Variants in HSPA12A observed in about 807,000 individuals in gnomAD.
HSPA12A encodes the protein heat shock protein family A (Hsp70) member 12A.
In HSPA12A, 28 loss-of-function variants were observed where a neutral mutation model predicts 69.2. That is an observed-to-expected ratio of 0.40 (90% CI 0.30 to 0.55). The LOEUF (loss-of-function observed/expected upper bound fraction) is 0.55. Among genes scored for constraint, HSPA12A ranks in the 20% least tolerant of loss-of-function variants. The pLI is 0.38. For synonymous variants in HSPA12A, 345 were observed against 370.5 expected (o/e 0.93, Z 0.79); for missense variants, 686 against 900.7 (o/e 0.76, Z 3.05).
At chr10:116,776,510 A>AT (rs1448574608) in intron 2 of HSPA12A, among the ~76,000 whole-genome samples, 1 of 152,250 alleles carries the variant, frequency 6.6e-6, no homozygotes, top group African/African-American at 2.4e-5. Context: ...AATTCAGAAA[A>AT]TTTTTTTTTT....
Position 116,676,495 on chromosome 10 carries a change from A to G in HSPA12A, c.1294T>C (p.Phe432Leu). Residue 432 changes from phenylalanine to leucine, a missense_variant, in exon 11 of 12, where the codon TTT (phenylalanine) becomes CTT (leucine). Phe to Leu is a conservative substitution (Grantham distance 22, BLOSUM62 0). Transcript: ENST00000369209. Reference protein sequence around the residue: ...EHALRKSNVDFVKWSSQGMLR... With the variant: ...EHALRKSNVDLVKWSSQGMLR... ...ATCCCCTGCGAGGACCACTTCACAA[A>G]ATCCACACTGCAGGAGCATAGCATG... is the stretch of plus-strand genomic sequence containing the variant. 1.2e-6 allele frequency: 2 copies of G among 1,613,326 alleles called. No individual in the cohort carries two copies. The highest frequency in any genetic ancestry group is 1.7e-6 in the Non-Finnish European group (2 of 1,179,580).
chr10:116,849,700 A>G (rs1231202351), exon 1 of HSPA12A: 2 of 1,540,098 alleles, frequency 1.3e-6, no homozygotes, highest in Non-Finnish European at 1.8e-6. Flanking sequence ...TCCACCTTCT[A>G]CCTCCAGCCT....
intron 2 of HSPA12A, among the ~76,000 whole-genome samples, chr10:116,833,954 T>C (rs1845665775): frequency 6.6e-6 from 1 of 152,230 alleles, no homozygotes. Context: ...GGCTGGGGAT[T>C]GCTAATGGCC....
Position 116,675,367 on chromosome 10 carries a change from A to C in HSPA12A, c.1442T>G (p.Val481Gly). Residue 481 changes from valine to glycine, a missense_variant, in exon 12 of 12, where the codon GTG becomes GGG. Val to Gly is a moderately radical substitution (Grantham distance 109, BLOSUM62 -3). Coordinates refer to ENST00000369209, the MANE Select transcript of HSPA12A (RefSeq NM_025015.3). This position sits in a 1 kb window ranked among gnomAD's most constrained non-coding sequence, Gnocchi z 5.2. ...EVSTVKFLFL[V>G]GGFAEAPLLQ... ...CAGGGGCGCCTCGGCAAAGCCGCCC[A>C]CCAGAAAGAGGAACTTGACGGTGGA... 1 of 1,610,704 alleles carries C rather than the reference A, an allele frequency of 6.2e-7. No homozygotes were observed. The highest frequency in any genetic ancestry group is 8.5e-7 in the Non-Finnish European group (1 of 1,178,956).
At chr10:116,819,207 C>T (rs1845364644) in intron 2 of HSPA12A, among the ~76,000 whole-genome samples, 1 of 152,172 alleles carries the variant, frequency 6.6e-6, no homozygotes, top group African/African-American at 2.4e-5. Context: ...TCCTTTCTGC[C>T]CCAAATGCCC....
At chr10:116,746,372 C>T (rs1218823911), upstream of HSPA12A, among the ~76,000 whole-genome samples, 2 of 152,176 alleles carry the variant, frequency 1.3e-5, no homozygotes, top group South Asian at 2.1e-4. Context: ...GTCCTCTGGC[C>T]CCCAGCTCAG....
intron 1 of HSPA12A, among the ~76,000 whole-genome samples, chr10:116,845,295 T>C (rs1218753316): frequency 6.6e-6 from 1 of 152,212 alleles, no homozygotes; most frequent in East Asian, 1.9e-4. Flanking sequence ...AATTTTGTTA[T>C]TGTTGTTAAA....
At chr10:116,807,981 C>T (rs1200932371) in intron 2 of HSPA12A, among the ~76,000 whole-genome samples, 1 of 152,220 alleles carries the variant, frequency 6.6e-6, no homozygotes, top group Non-Finnish European at 1.5e-5. Context: ...CTGCCTGCTA[C>T]AGTCTAACAG....
At chr10:116,809,968 C>T (rs1287529111) in intron 2 of HSPA12A, among the ~76,000 whole-genome samples, 1 of 152,120 alleles carries the variant, frequency 6.6e-6, no homozygotes, top group Non-Finnish European at 1.5e-5. Context: ...GGGGAAGACA[C>T]GGGTTGGTTT....
chr10:116,765,867 G>A (rs1490199544), intron 2 of HSPA12A, among the ~76,000 whole-genome samples: 2 of 152,054 alleles, frequency 1.3e-5, no homozygotes, highest in African/African-American at 4.8e-5. Flanking sequence ...TCCACTTTTT[G>A]CCCAACAGGA....
chr10:116,823,638 A>G (rs1323223835), intron 2 of HSPA12A, among the ~76,000 whole-genome samples: 1 of 152,206 alleles, frequency 6.6e-6, no homozygotes, highest in African/African-American at 2.4e-5. Flanking sequence ...GGTGAAGACA[A>G]TTTAGTGGGG....
chr10:116,776,909 T>G (rs1665662), intron 2 of HSPA12A, among the ~76,000 whole-genome samples: 151,369 of 152,358 alleles, frequency 0.99, 75,214 homozygotes, highest in Middle Eastern at 1. Context: ...GTACCAGGAA[T>G]CTGGACTAGG....
chr10:116,839,386 G>C (rs1024730786), intron 1 of HSPA12A, among the ~76,000 whole-genome samples: 1 of 151,922 alleles, frequency 6.6e-6, no homozygotes, highest in African/African-American at 2.4e-5. Flanking sequence ...TTAGAATTAC[G>C]TGCTGCAAAG....
chr10:116,704,112 G>A (rs753361655), intron 3 of HSPA12A, among the ~76,000 whole-genome samples: 30 of 151,976 alleles, frequency 2.0e-4, no homozygotes, highest in Non-Finnish European at 7.3e-5. Context: ...CCATTACTGG[G>A]TATACCCAAA....
intron 5 of HSPA12A, among the ~76,000 whole-genome samples, chr10:116,697,208 A>G (rs1849932462): frequency 6.6e-6 from 1 of 152,186 alleles, no homozygotes; most frequent in African/African-American, 2.4e-5. Flanking sequence ...TGGTCACACA[A>G]TACCAAATGC....
intron 2 of HSPA12A, among the ~76,000 whole-genome samples, chr10:116,763,083 C>T (rs1564811429): frequency 6.6e-6 from 1 of 152,116 alleles, no homozygotes; most frequent in Non-Finnish European, 1.5e-5. Context: ...TCATGGTCAC[C>T]TCTAGCACAG....
chr10:116,790,253 G>A (rs952067271), intron 2 of HSPA12A, among the ~76,000 whole-genome samples: 6 of 151,696 alleles, frequency 4.0e-5, no homozygotes, highest in African/African-American at 7.3e-5. Flanking sequence ...ACAGGCGCCC[G>A]CCACCTCACC....
At chr10:116,707,400 CT>C in intron 1 of HSPA12A, 115 bp from the exon 2 acceptor site, 3 of 798,878 alleles carry the variant, frequency 3.8e-6, no homozygotes, top group Non-Finnish European at 6.2e-6. Context: ...GCAAAGCCAG[CT>C]CACGAAATGG....
At chr10:116,735,170 G>T (rs1851277509) in intron 1 of HSPA12A, among the ~76,000 whole-genome samples, 1 of 152,142 alleles carries the variant, frequency 6.6e-6, no homozygotes, top group South Asian at 2.1e-4. Context: ...ACAATCACTG[G>T]GCACTTGCAG....
Sources: gnomAD v4.1 joint callset for allele counts (sites outside exome capture counted in the v4.1 genomes callset) on GRCh38, gnomAD v4.1.1 for gene constraint, Gnocchi (gnomAD v3.1) non-coding constraint, MANE v1.5 for transcripts, NCBI Gene and HGNC (gene_info 2026-07-23, HGNC 2026-07-21) for gene names.